The following FCER2 variants were observed in gnomAD, a reference collection of about 807,000 sequenced individuals.
FCER2 encodes the protein low affinity immunoglobulin epsilon Fc receptor.
A neutral mutation model predicts 49.7 loss-of-function variants in FCER2; 38 were observed. That is an observed-to-expected ratio of 0.76 (90% CI 0.59 to 1.00). The LOEUF (loss-of-function observed/expected upper bound fraction) is 1.00, where lower values mean the gene tolerates loss of function less well. Ranked by LOEUF, FCER2 falls within the 50% of genes least tolerant of loss-of-function variation. The pLI is 0.00. For missense variants in FCER2, 425 were observed against 419.5 expected (o/e 1.01, Z -0.11); for synonymous variants, 163 against 164.6 (o/e 0.99, Z 0.07).
At chr19:7,696,616 T>C in intron 8 of FCER2, 2 of 588,344 alleles carry the variant, frequency 3.4e-6, no homozygotes, top group Non-Finnish European at 6.0e-6. Flanking sequence ...AACTTAGTCC[T>C]ATTTCCGTCA....
chr19:7,693,160 G>A (rs2032926222), intron 8 of FCER2, among the ~76,000 whole-genome samples: 1 of 151,954 alleles, frequency 6.6e-6, no homozygotes. Context: ...CTGTGGCCAG[G>A]TCCACCAGCG....
At chr19:7,696,793 G>A (rs1039953550) in intron 8 of FCER2, 32 bp downstream of exon 8, 23 of 1,520,402 alleles carry the variant, frequency 1.5e-5, no homozygotes, top group Non-Finnish European at 1.9e-5. Flanking sequence ...GTGAGGTCAC[G>A]CGTCGTCCTG....
chr19:7,693,557 G>A (rs1222581574), intron 8 of FCER2, among the ~76,000 whole-genome samples: 1 of 151,914 alleles, frequency 6.6e-6, no homozygotes, highest in Admixed American at 6.6e-5. Context: ...GACCAGCCTG[G>A]GCAACATAGC....
At position 7,698,440 on chromosome 19, in the gene FCER2, G is replaced by A. The variant is rs573349509; in HGVS notation, c.137-31C>T. 22 of 1,562,548 alleles carry A rather than the reference G, an allele frequency of 1.4e-5. No homozygotes were observed. In the Admixed American group the frequency reaches 1.6e-4, roughly 11 times the overall value. On this transcript the variant is annotated intron_variant, in intron 3 of 10. Transcript: ENST00000597921. ...GAGGGGGAGAGAAGAGGAGTGGAGA[G>A]GGGGGATTGTCAGTGCCCCCACCTG...
intron 2 of FCER2, 51 bp downstream of exon 2, chr19:7,699,688 T>C (rs1336062943): frequency 1.3e-6 from 2 of 1,560,474 alleles, no homozygotes; most frequent in Admixed American, 1.7e-5. Context: ...TGAAAGGCAG[T>C]AGCTAAGGGT....
rs752243016 is a variant in FCER2, at chr19:7,689,427, G to T, written c.732C>A (p.Asn244Lys). ...WVDGSHVDYS[N>K]WAPGEPTSRS... is the part of the protein sequence containing the mutation. ...GGCTGGTGGGCTCCCCTGGAGCCCAGTTGCTGGAGCAAAAGGCTTTGGGTC... is the reference window on the plus strand; with the variant it reads ...GGCTGGTGGGCTCCCCTGGAGCCCATTTGCTGGAGCAAAAGGCTTTGGGTC... Residue 244 changes from asparagine to lysine, a missense_variant, in exon 11 of 11, where the codon AAC becomes AAA. Physicochemically the swap from Asn to Lys is moderately conservative, Grantham distance 94. Coordinates refer to ENST00000597921, the MANE Select transcript of FCER2 (RefSeq NM_001220500.2). The T allele has an allele frequency of 2.5e-6, 4 of 1,575,816 alleles. No homozygotes were observed. In the African/African-American group the frequency reaches 5.4e-5, roughly 21 times the overall value.
At chr19:7,698,598 G>T in intron 3 of FCER2, 143 bp downstream of exon 3, 1 of 1,145,766 alleles carries the variant, frequency 8.7e-7, no homozygotes, top group Non-Finnish European at 1.2e-6. Flanking sequence ...AGGGCTGGCA[G>T]TGGCAAGATG....
Position 7,690,496 on chromosome 19 carries a change from G to A in FCER2, c.531C>T (p.Phe177=), listed in dbSNP as rs536515427. The change falls in exon 9 of 11, where the codon TTC becomes TTT. Residue 177 remains phenylalanine (F), a synonymous_variant. Transcript: ENST00000597921. ...GGACCCACTGCTTGGTGCCCTTGCC[G>A]AAGTAGTAGCACTTCCGTTGGAAAT... The part of the protein sequence containing the change: ...WINFQRKCYY[F]GKGTKQWVHA... 1.4e-5 allele frequency: 23 copies of A among 1,614,144 alleles called. No individual in the cohort carries two copies. Among genetic ancestry groups the A allele is most frequent in the Admixed American group, 1.0e-4 (6 of 60,024 alleles).
At chr19:7,699,466 T>TAGCTGA in intron 2 of FCER2, 1 of 1,445,846 alleles carries the variant, frequency 6.9e-7, no homozygotes, top group East Asian at 2.7e-5. Flanking sequence ...CCCCGCTCCC[T>TAGCTGA]AGCTGAAGCC....
In FCER2 at chr19:7,698,801, G is replaced by A. The variant is rs1427598763; in HGVS notation, c.76C>T (p.Leu26=). The change falls in exon 3 of 11, where the codon CTG becomes TTG. Residue 26 remains leucine, a synonymous_variant. Coordinates refer to ENST00000597921, the MANE Select transcript of FCER2 (RefSeq NM_001220500.2). ...AGAGCGGCGGTCACCAGCCCCAGCA[G>A]CACGATCTGAGTCCCACGCCTGCAA... The part of the protein sequence containing the change: ...RCCRRGTQIV[L]LGLVTAALWA... 6.2e-7 allele frequency: 1 copy of A among 1,612,584 alleles called. No homozygotes were observed. Among genetic ancestry groups the A allele is most frequent in the Non-Finnish European group, 8.5e-7 (1 of 1,179,430 alleles).
At chr19:7,692,501 C>T (rs79223302) in intron 8 of FCER2, among the ~76,000 whole-genome samples, 28,667 of 110,106 alleles carry the variant, frequency 0.26, 7,567 homozygotes, top group African/African-American at 0.46. Context: ...TCAGCACGAG[C>T]ACATTCACAT....
rs2032887982 is a variant in FCER2 at position 7,692,036 on chromosome 19, C to T, written c.470-1479G>A. Among the ~76,000 whole-genome samples the T allele has an allele frequency of 1.5e-5, 2 of 132,026 alleles. 1 individual carries two copies. The highest frequency in any genetic ancestry group is 5.0e-4 in the South Asian group (2 of 4,010). 86.6% of individuals were successfully genotyped at this position (132,026 alleles called of 152,430 possible). A position where few individuals can be genotyped will look rare whatever the true frequency, so the allele number is the denominator to read the frequency against. On this transcript the variant is annotated intron_variant, in intron 8 of 10. Transcript: ENST00000597921. ...TCAGCACGAATACATTCACGTCCAA[C>T]AACACATCAACTACCAACACCATCA...
Position 7,689,241 on chromosome 19 carries a change from T to C in FCER2, c.918A>G (p.Pro306=). 6.2e-7 allele frequency: 1 copy of C among 1,613,766 alleles called. No homozygotes were observed. The highest frequency in any genetic ancestry group is 8.5e-7 in the Non-Finnish European group (1 of 1,179,830). ...SAESMGPDSR[P]DPDGRLPTPS... is the part of the protein sequence containing the mutation. ...GGGTGGGCAGGCGGCCGTCAGGGTC[T>C]GGTCTTGAATCAGGTCCCATGGACT... Residue 306 remains proline, a synonymous_variant, in exon 11 of 11, where the codon CCA becomes CCG. Transcript: ENST00000597921.
At chr19:7,696,048 C>T in intron 8 of FCER2, among the ~76,000 whole-genome samples, 1 of 151,260 alleles carries the variant, frequency 6.6e-6, no homozygotes, top group East Asian at 1.9e-4. Flanking sequence ...ATTCTTGTGC[C>T]TCAGCCTCCC....
Position 7,697,061 on chromosome 19 carries a change from A to C in FCER2, c.331T>G (p.Trp111Gly). Residue 111 changes from tryptophan to glycine, a missense_variant, in exon 7 of 11, where the codon TGG (tryptophan) becomes GGG (glycine). Transcript: ENST00000597921. ...RLKSQDLELS[W>G]NLNGLQADLS... is the part of the protein sequence containing the mutation. ...TCTGCTTGAAGCCCGTTCAGGTTCC[A>C]GGACAGCTCCAAGTCTGGTGTGTGC... 6.2e-7 allele frequency: 1 copy of C among 1,612,692 alleles called. No individual in the cohort carries two copies. The highest frequency in any genetic ancestry group is 8.5e-7 in the Non-Finnish European group (1 of 1,179,460).
At chr19:7,699,908 G>A in intron 1 of FCER2, 63 bp from the exon 2 acceptor site, 3 of 757,258 alleles carry the variant, frequency 4.0e-6, no homozygotes, top group Non-Finnish European at 6.9e-6. Context: ...GCACAGGATA[G>A]CATCTGGGAC....
At chr19:7,693,701 T>A (rs1262300233) in intron 8 of FCER2, among the ~76,000 whole-genome samples, 1 of 152,044 alleles carries the variant, frequency 6.6e-6, no homozygotes, top group African/African-American at 2.4e-5. Flanking sequence ...CAGGCCAGAG[T>A]ACAGTGGCGC....
Position 7,697,250 on chromosome 19 carries a change from C to T in FCER2, c.302G>A (p.Arg101Lys). ...CAGTCTCTCACCCTGAGATTTCAAT[C>T]TCTGCTGTTCAGCTCGAAGTTCCTC... ...ELEELRAEQQ[R>K]LKSQDLELSW... The change falls in exon 6 of 11, where the codon AGA becomes AAA. Residue 101 changes from arginine (R) to lysine (K), a missense_variant. Coordinates refer to ENST00000597921, the MANE Select transcript of FCER2 (RefSeq NM_001220500.2). 1 of 1,614,200 alleles carries T rather than the reference C, an allele frequency of 6.2e-7. No homozygotes were observed. Among genetic ancestry groups the T allele is most frequent in the Non-Finnish European group, 8.5e-7 (1 of 1,180,034 alleles).
At position 7,699,714 on chromosome 19, in the gene FCER2, C is replaced by T. The variant is rs373421352; in HGVS notation, c.22+25G>A. ...AGCTAAGGGTCATTGCTTCTGCCAA[C>T]GTTAGAACCAGAGAGTCCTCCTACC... On this transcript the variant is annotated intron_variant, in intron 2 of 10. Transcript: ENST00000597921. 3.1e-5 allele frequency: 50 copies of T among 1,611,588 alleles called. No individual in the cohort carries two copies. The South Asian group carries it at 3.5e-4, about 11-fold the overall frequency.
Sources: gnomAD v4.1 joint callset for allele counts (sites outside exome capture counted in the v4.1 genomes callset) on GRCh38, gnomAD v4.1.1 for gene constraint, MANE v1.5 for transcripts, NCBI Gene and HGNC (gene_info 2026-07-23, HGNC 2026-07-21) for gene names.